MROH1: variants seen among roughly 807,000 people sequenced by gnomAD.
MROH1 encodes the protein maestro heat like repeat family member 1.
In MROH1, 117 loss-of-function variants were observed where a neutral mutation model predicts 116.5. That is an observed-to-expected ratio of 1.00 (90% CI 0.86 to 1.17). The LOEUF (loss-of-function observed/expected upper bound fraction) is 1.17. MROH1 is among the 50% of genes most tolerant of loss of function. The probability of loss-of-function intolerance (pLI) is 0.00; values close to 1 mark genes in which losing one functional copy is unlikely to be tolerated. For missense variants in MROH1, 1,873 were observed against 1,338.5 expected, an observed-to-expected ratio of 1.40 and a Z score of -6.23; for synonymous variants, 921 against 583.9, an observed-to-expected ratio of 1.58 and a Z score of -8.32.
Position 144,244,353 on chromosome 8 carries a change from C to A in MROH1, c.2670+17C>A. On this transcript the variant is annotated intron_variant, in intron 27 of 43. Coordinates refer to ENST00000326134, the MANE Select transcript of MROH1 (RefSeq NM_032450.3). ...TGCCAGAAGGTATCCCTGTGTTTCCCTTGCCTGTGTCCACATCCGTGAGAG... is the reference window on the plus strand; with the variant it reads ...TGCCAGAAGGTATCCCTGTGTTTCCATTGCCTGTGTCCACATCCGTGAGAG... The A allele has an allele frequency of 1.4e-6, 1 of 721,062 alleles. No individual in the cohort carries two copies. The highest frequency in any genetic ancestry group is 1.7e-5 in the African/African-American group (1 of 57,500). 44.7% of individuals were successfully genotyped at this position (721,062 alleles called of 1,614,324 possible).
chr8:144,172,582 T>A (rs1822769061), intron 4 of MROH1, among the ~76,000 whole-genome samples: 1 of 152,018 alleles, frequency 6.6e-6, no homozygotes, highest in Admixed American at 6.5e-5. Context: ...AGCTAATTTT[T>A]GTATTTTTAG....
rs1409582189 is a variant in MROH1, at chr8:144,167,272, TGGGTGGAGTGGCCGGTTG to T, written c.23-1004_23-987del. Among the ~76,000 whole-genome samples, 68 of 53,446 alleles carry T rather than the reference TGGGTGGAGTGGCCGGTTG, an allele frequency of 1.3e-3. 1 individual carries two copies. The highest frequency in any genetic ancestry group is 3.2e-3 in the Admixed American group (14 of 4,398). The allele number at this position is 53,446 out of a possible 152,430, so 35.1% of individuals were successfully genotyped here. On this transcript the variant is annotated intron_variant, in intron 3 of 43. Transcript: ENST00000326134. Reference sequence around the variant, plus strand: ...TTGTTGGGGTGGAGTGGCCGGTTGTTGGGTGGAGTGGCCGGTTGGGGTGGAGTGGCCGGTTGTTGGGTA... The same window carrying T: ...TTGTTGGGGTGGAGTGGCCGGTTGTTGGGTGGAGTGGCCGGTTGTTGGGTA...
At chr8:144,256,112 C>T (rs1554832885) in intron 35 of MROH1, among the ~76,000 whole-genome samples, 2 of 152,046 alleles carry the variant, frequency 1.3e-5, no homozygotes, top group African/African-American at 4.8e-5. Context: ...AGCAGAGCGG[C>T]CTTTGGCACG....
At chr8:144,238,620 T>A in intron 14 of MROH1, 136 bp from the exon 15 acceptor site, 1 of 664,172 alleles carries the variant, frequency 1.5e-6, no homozygotes, top group Non-Finnish European at 2.8e-6. Context: ...GTGCCTTTCC[T>A]GTCTGTGGCA....
intron 32 of MROH1, 30 bp downstream of exon 32, chr8:144,249,059 C>T (rs1387155592): frequency 4.2e-6 from 3 of 714,232 alleles, no homozygotes; most frequent in Middle Eastern, 3.2e-4. Context: ...GGGGGGTGCT[C>T]CAGGAGAAGG....
chr8:144,190,157 G>A (rs1164250868), intron 7 of MROH1, among the ~76,000 whole-genome samples: 1 of 152,202 alleles, frequency 6.6e-6, no homozygotes. Flanking sequence ...TCTTCCTCCT[G>A]CCTCTGCATC....
intron 10 of MROH1, among the ~76,000 whole-genome samples, chr8:144,194,914 G>GA (rs1195279520): frequency 6.8e-6 from 1 of 147,560 alleles, no homozygotes; most frequent in African/African-American, 2.5e-5. Flanking sequence ...TCTCGAAAAA[G>GA]AAAAAAAAAG....
chr8:144,175,033 A>G lies in MROH1; in HGVS notation c.169-4422A>G, dbSNP rs1378886689. On this transcript the variant is annotated intron_variant, in intron 4 of 43. Coordinates refer to ENST00000326134, the MANE Select transcript of MROH1 (RefSeq NM_032450.3). ...GCAAAGATTTCCCTCAAACTTCCTC[A>G]TATACATGAAGAGAATTAGTAGCTA... 3 of 985,320 alleles carry G rather than the reference A, an allele frequency of 3.0e-6. No homozygotes were observed. In the African/African-American group the frequency reaches 5.2e-5, roughly 17 times the overall value. The allele number at this position is 985,320 out of a possible 1,614,324, so 61.0% of individuals were successfully genotyped here.
rs911065569 is a variant in MROH1, at chr8:144,168,372, T to C, written c.100T>C (p.Ser34Pro). Residue 34 changes from serine to proline, a missense_variant, in exon 4 of 44, where the codon TCC becomes CCC. Physicochemically the swap from Ser to Pro is moderately conservative, Grantham distance 74 (BLOSUM62 -1). Transcript: ENST00000326134. ...GGAGCAGGTCTGCAGTGCCCTGTGC[T>C]CCCTCGGGGAGGCGCGGCCGGTGGA... ...VQEQVCSALC[S>P]LGEARPVETL... The C allele has an allele frequency of 6.2e-7, 1 of 1,611,350 alleles. No individual in the cohort carries two copies. Among genetic ancestry groups the C allele is most frequent in the Admixed American group, 1.7e-5 (1 of 59,966 alleles).
chr8:144,161,522 C>G (rs1437466962), intron 2 of MROH1, among the ~76,000 whole-genome samples: 1 of 152,214 alleles, frequency 6.6e-6, no homozygotes, highest in Non-Finnish European at 1.5e-5. Context: ...GGTCCTCTCT[C>G]CAGGCAGTGA....
intron 26 of MROH1, 86 bp downstream of exon 26, chr8:144,244,028 G>T (rs1841453972): frequency 1.4e-6 from 1 of 733,724 alleles, no homozygotes; most frequent in Non-Finnish European, 2.5e-6. Context: ...GTATGCGCGT[G>T]TGCATGTGCG....
At chr8:144,205,716 C>A (rs958122557) in intron 12 of MROH1, among the ~76,000 whole-genome samples, 2 of 152,052 alleles carry the variant, frequency 1.3e-5, no homozygotes, top group Non-Finnish European at 2.9e-5. Context: ...ATTTCAGTAC[C>A]CCATGACTTC....
At chr8:144,169,872 C>T (rs964161286) in intron 4 of MROH1, among the ~76,000 whole-genome samples, 12 of 151,632 alleles carry the variant, frequency 7.9e-5, no homozygotes, top group Non-Finnish European at 1.0e-4. Flanking sequence ...TTGGCTCTGT[C>T]GCCCAGGCTG....
chr8:144,249,231 C>A (rs1187580956), intron 32 of MROH1, among the ~76,000 whole-genome samples: 1 of 152,182 alleles, frequency 6.6e-6, no homozygotes, highest in East Asian at 1.9e-4. Flanking sequence ...CCTCTCCCTA[C>A]AGGACTACCA....
chr8:144,213,211 A>C, intron 12 of MROH1: 1 of 691,362 alleles, frequency 1.4e-6, no homozygotes. Flanking sequence ...CCTCAGCCCC[A>C]TCCTCTGTTC....
In MROH1 at chr8:144,261,736, C is replaced by T. The variant is rs887834579; in HGVS notation, c.4922C>T (p.Ala1641Val). 4 of 712,424 alleles carry T rather than the reference C, an allele frequency of 5.6e-6. No homozygotes were observed. The Admixed American group carries it at 7.7e-5, about 14-fold the overall frequency. The allele number at this position is 712,424 out of a possible 1,614,324, so 44.1% of individuals were successfully genotyped here. A position where few individuals can be genotyped will look rare whatever the true frequency, so the allele number is the denominator to read the frequency against. The change falls in exon 44 of 44, where the codon GCC becomes GTC. Residue 1641 changes from alanine (A) to valine (V), a missense_variant. Transcript: ENST00000326134. Reference protein sequence around the residue: ...AEALGRLVKLA With the variant: ...AEALGRLVKLV The stretch of plus-strand genomic sequence containing the variant: ...GCCCTGGGCCGCCTGGTGAAGCTCG[C>T]CTAAGGCTCCGGCCAGCACCCCCAG...
chr8:144,225,976 G>A (rs376897386), intron 14 of MROH1, among the ~76,000 whole-genome samples: 4 of 146,678 alleles, frequency 2.7e-5, no homozygotes, highest in Non-Finnish European at 5.9e-5. Flanking sequence ...GTGCAATGGC[G>A]TGATCTCAGC....
At chr8:144,243,454 G>A in intron 24 of MROH1, 40 bp from the exon 25 acceptor site, 1 of 776,482 alleles carries the variant, frequency 1.3e-6, no homozygotes, top group South Asian at 1.3e-5. Flanking sequence ...AGCCCTGGAG[G>A]GCGGGCGTGG....
At chr8:144,181,707 G>A (rs1489377474) in intron 7 of MROH1, among the ~76,000 whole-genome samples, 2 of 152,190 alleles carry the variant, frequency 1.3e-5, no homozygotes, top group African/African-American at 2.4e-5. Context: ...AAGGAGCAGA[G>A]AGTGGAAGTG....
Sources: gnomAD v4.1 joint callset for allele counts (sites outside exome capture counted in the v4.1 genomes callset) on GRCh38, gnomAD v4.1.1 for gene constraint, MANE v1.5 for transcripts, NCBI Gene and HGNC (gene_info 2026-07-23, HGNC 2026-07-21) for gene names.